The following TNFRSF11A variants were observed in gnomAD, a reference collection of about 807,000 sequenced individuals.
TNFRSF11A encodes the protein tumor necrosis factor receptor superfamily member 11A.
TNFRSF11A carries 32 observed loss-of-function variants against 55.7 expected under a neutral mutation model. The ratio of observed to expected loss-of-function variants is 0.57; its 90% CI spans 0.43 to 0.77. The LOEUF (loss-of-function observed/expected upper bound fraction) is 0.77, where lower values mean the gene tolerates loss of function less well. Among genes scored for constraint, TNFRSF11A ranks in the 30% least tolerant of loss-of-function variants. TNFRSF11A has a pLI of 0.00. For missense variants in TNFRSF11A, 753 were observed against 809.8 expected (o/e 0.93, Z 0.85); for synonymous variants, 311 against 331.0 (o/e 0.94, Z 0.65).
At chr18:62,339,696 C>G (rs989245383) in intron 1 of TNFRSF11A, among the ~76,000 whole-genome samples, 1 of 152,134 alleles carries the variant, frequency 6.6e-6, no homozygotes, top group Non-Finnish European at 1.5e-5. Context: ...AGCAGAACTT[C>G]GTAAAGAGAT....
intron 3 of TNFRSF11A, 68 bp downstream of exon 3, chr18:62,350,005 AT>A: frequency 1.9e-6 from 3 of 1,599,358 alleles, no homozygotes; most frequent in South Asian, 1.1e-5. Flanking sequence ...CTATAGAAAC[AT>A]TTTTAGAGGC....
rs1201814379 is a variant in TNFRSF11A at position 62,369,328 on chromosome 18, C to T, written c.1411C>T (p.Gln471Ter). 6.2e-7 allele frequency: 1 copy of T among 1,609,874 alleles called. No individual in the cohort carries two copies. Among genetic ancestry groups the T allele is most frequent in the Non-Finnish European group, 8.5e-7 (1 of 1,178,178 alleles). The change falls in exon 9 of 10, where the codon CAG (glutamine) becomes TAG (stop). Residue 471 changes from glutamine to a stop codon, truncating the protein, a stop_gained. Transcript: ENST00000586569. LOFTEE classifies it high-confidence loss of function. ...TTCCCCAAAACGTGGACCCTTGCCC[C>T]AGTGCGCCTATGGCATGGGCCTTCC... ...VGSPKRGPLP[Q>*]CAYGMGLPPE...
At chr18:62,367,875 C>A (rs1910216394) in intron 8 of TNFRSF11A, among the ~76,000 whole-genome samples, 1 of 139,396 alleles carries the variant, frequency 7.2e-6, no homozygotes, top group Non-Finnish European at 1.5e-5. Flanking sequence ...CTCACTGCAA[C>A]CTCTGCCTCC....
chr18:62,340,712 T>G, intron 1 of TNFRSF11A, among the ~76,000 whole-genome samples: 1 of 152,214 alleles, frequency 6.6e-6, no homozygotes. Flanking sequence ...TGTTAAACCC[T>G]GTGATTCTCT....
At chr18:62,353,712 C>CAT (rs1555772414) in intron 3 of TNFRSF11A, among the ~76,000 whole-genome samples, 4 of 151,020 alleles carry the variant, frequency 2.6e-5, no homozygotes, top group Non-Finnish European at 5.9e-5. Flanking sequence ...ATAACAGATA[C>CAT]GTGTGTGTGT....
At chr18:62,371,270 G>C (rs766434200) in intron 9 of TNFRSF11A, among the ~76,000 whole-genome samples, 1 of 152,162 alleles carries the variant, frequency 6.6e-6, no homozygotes, top group African/African-American at 2.4e-5. Context: ...GGGGCAGACC[G>C]GTTTTTCAGT....
chr18:62,366,853 C>T (rs1042453500), intron 8 of TNFRSF11A, 93 bp downstream of exon 8: 21 of 1,276,670 alleles, frequency 1.6e-5, no homozygotes, highest in Non-Finnish European at 2.3e-5. Flanking sequence ...CCCCCCCCCA[C>T]CCCCACTTTT....
In TNFRSF11A at chr18:62,325,525, C is replaced by T; in HGVS notation, c.75+98C>T. Reference sequence around the variant, plus strand: ...GGCGGCATCCTGGCTCCTCCGCCTTCCGAGAGGAGCCGGAGTTTTGGGGAG... The same window carrying T: ...GGCGGCATCCTGGCTCCTCCGCCTTTCGAGAGGAGCCGGAGTTTTGGGGAG... On this transcript the variant is annotated intron_variant, in intron 1 of 9. Transcript: ENST00000586569. The surrounding 1 kb of genome is among the most constrained non-coding windows in gnomAD (Gnocchi z 4.7). The T allele has an allele frequency of 1.3e-6, 1 of 747,284 alleles. No homozygotes were observed. The highest frequency in any genetic ancestry group is 1.7e-6 in the Non-Finnish European group (1 of 578,776). 46.3% of individuals were successfully genotyped at this position (747,284 alleles called of 1,614,324 possible). A position where few individuals can be genotyped will look rare whatever the true frequency, so the allele number is the denominator to read the frequency against.
At chr18:62,356,601 A>G (rs10469252) in intron 4 of TNFRSF11A, among the ~76,000 whole-genome samples, 18,530 of 152,232 alleles carry the variant, frequency 0.12, 1,612 homozygotes, top group Non-Finnish European at 0.19. Context: ...CACCCTGCAT[A>G]ATTTCAATTC....
intron 3 of TNFRSF11A, 92 bp from the exon 4 acceptor site, chr18:62,354,299 T>G (rs1048763267): frequency 7.0e-7 from 1 of 1,433,176 alleles, no homozygotes; most frequent in Admixed American, 2.5e-5. Context: ...GGGCTGCTGC[T>G]CTGGGCTGGA....
chr18:62,375,403 T>G (rs1450083211), intron 9 of TNFRSF11A, among the ~76,000 whole-genome samples: 1 of 152,154 alleles, frequency 6.6e-6, no homozygotes, highest in Non-Finnish European at 1.5e-5. Flanking sequence ...TGCCAACTAA[T>G]CCATCTTAAC....
At chr18:62,359,813 A>G in intron 5 of TNFRSF11A, 142 bp from the exon 6 acceptor site, 1 of 722,584 alleles carries the variant, frequency 1.4e-6, no homozygotes, top group East Asian at 2.7e-5. Flanking sequence ...CTCCCTGTGG[A>G]AGGCACAGGG....
Position 62,325,392 on chromosome 18 carries a change from C to T in TNFRSF11A, c.40C>T (p.Leu14=), listed in dbSNP as rs1477201944. The change falls in exon 1 of 10, where the codon CTG becomes TTG. Residue 14 remains leucine, a synonymous_variant. Coordinates refer to ENST00000586569, the MANE Select transcript of TNFRSF11A (RefSeq NM_003839.4). This position sits in a 1 kb window ranked among gnomAD's most constrained non-coding sequence, Gnocchi z 4.7. The stretch of plus-strand genomic sequence containing the variant: ...CCGGCGGCGCCGCCCGCTGTTCGCG[C>T]TGCTGCTGCTCTGCGCGCTGCTCGC... ...RARRRRPLFA[L]LLLCALLARL... 4.4e-6 allele frequency: 5 copies of T among 1,141,636 alleles called. No homozygotes were observed. The highest frequency in any genetic ancestry group is 5.4e-6 in the Non-Finnish European group (5 of 927,916). The allele number at this position is 1,141,636 out of a possible 1,614,324, so 70.7% of individuals were successfully genotyped here. A position where few individuals can be genotyped will look rare whatever the true frequency, so the allele number is the denominator to read the frequency against.
At chr18:62,328,381 T>C (rs1217110237) in intron 1 of TNFRSF11A, among the ~76,000 whole-genome samples, 1 of 151,456 alleles carries the variant, frequency 6.6e-6, no homozygotes, top group Admixed American at 6.6e-5. Context: ...GGGAGGATGG[T>C]GTGAATGCTT....
intron 9 of TNFRSF11A, among the ~76,000 whole-genome samples, chr18:62,377,665 A>G (rs1433485221): frequency 1.3e-5 from 2 of 152,130 alleles, no homozygotes; most frequent in East Asian, 3.8e-4. Flanking sequence ...ATCTTTTCAT[A>G]TGCCTGTTTG....
chr18:62,353,829 A>G (rs1013110365), intron 3 of TNFRSF11A, among the ~76,000 whole-genome samples: 6 of 152,128 alleles, frequency 3.9e-5, no homozygotes, highest in Non-Finnish European at 2.9e-5. Flanking sequence ...GAAAACAGAA[A>G]CAAGCATGTT....
chr18:62,365,335 A>G (rs1009972024), intron 7 of TNFRSF11A, among the ~76,000 whole-genome samples: 5 of 152,226 alleles, frequency 3.3e-5, no homozygotes, highest in Non-Finnish European at 7.3e-5. Context: ...TCTTTGCATA[A>G]TATAAATTCA....
At position 62,354,451 on chromosome 18, in the gene TNFRSF11A, C is replaced by T. The variant is rs752138491; in HGVS notation, c.344C>T (p.Thr115Met). ...ACGACCCCCCGGCGCTGCGCGTGCA[C>T]GGCTGGGTACCACTGGAGCCAGGAC... ...NSTTPRRCACTAGYHWSQDCE... is the reference protein window; with the variant it reads ...NSTTPRRCACMAGYHWSQDCE... Residue 115 changes from threonine to methionine, a missense_variant, in exon 4 of 10, where the codon ACG (threonine) becomes ATG (methionine). By Grantham distance (81) the Thr-to-Met change is moderately conservative. Around this residue, in one of 3 missense-constraint regions of TNFRSF11A, gnomAD observed 156 missense variants for 155.1 expected, o/e 1.01. Coordinates refer to ENST00000586569, the MANE Select transcript of TNFRSF11A (RefSeq NM_003839.4). The T allele has an allele frequency of 3.7e-6, 6 of 1,600,328 alleles. No individual in the cohort carries two copies. Among genetic ancestry groups the T allele is most frequent in the African/African-American group, 2.7e-5 (2 of 74,874 alleles).
chr18:62,363,560 G>T (rs1333104406), intron 7 of TNFRSF11A, among the ~76,000 whole-genome samples: 1 of 151,726 alleles, frequency 6.6e-6, no homozygotes, highest in Non-Finnish European at 1.5e-5. Context: ...GTAGAGATGG[G>T]GTTTCACCAC....
Sources: gnomAD v4.1 joint callset for allele counts (sites outside exome capture counted in the v4.1 genomes callset) on GRCh38, gnomAD v4.1.1 for gene constraint, gnomAD v4.1.1 regional missense constraint, Gnocchi (gnomAD v3.1) non-coding constraint, MANE v1.5 for transcripts, NCBI Gene and HGNC (gene_info 2026-07-23, HGNC 2026-07-21) for gene names.